ZBTB38: variants seen among roughly 807,000 people sequenced by gnomAD.
The protein encoded by ZBTB38 is zinc finger and BTB domain containing 38.
A neutral mutation model predicts 76.8 loss-of-function variants in ZBTB38; 20 were observed. The ratio of observed to expected loss-of-function variants is 0.26; its 90% CI spans 0.18 to 0.38. ZBTB38 has a LOEUF of 0.38. Ranked by LOEUF, ZBTB38 falls within the 10% of genes least tolerant of loss-of-function variation. The pLI is 1.00. For missense variants in ZBTB38, 1,082 were observed against 1,482.3 expected (o/e 0.73, Z 4.43); for synonymous variants, 504 against 544.2 (o/e 0.93, Z 1.03).
chr3:141,337,089 T>C (rs985483124), intron 1 of ZBTB38, among the ~76,000 whole-genome samples: 1 of 152,238 alleles, frequency 6.6e-6, no homozygotes. Flanking sequence ...ACTCCCCGCT[T>C]CTCTGAGGAA....
chr3:141,384,675 C>T (rs760515368), intron 3 of ZBTB38: 4 of 152,158 alleles, frequency 2.6e-5, no homozygotes, highest in African/African-American at 9.7e-5. Flanking sequence ...AGGAATTGGC[C>T]TAAGGACACT....
At position 141,444,509 on chromosome 3, in the gene ZBTB38, C is replaced by G. The variant is rs1443984961; in HGVS notation, c.2121C>G (p.Ile707Met). The G allele has an allele frequency of 6.2e-7, 1 of 1,614,164 alleles. No homozygotes were observed. Among genetic ancestry groups the G allele is most frequent in the East Asian group, 2.2e-5 (1 of 44,890 alleles). The change falls in exon 6 of 6, where the codon ATC (isoleucine) becomes ATG (methionine). Residue 707 changes from isoleucine to methionine, a missense_variant. Coordinates refer to ENST00000321464, the MANE Select transcript of ZBTB38 (RefSeq NM_001376113.1). This position sits in a 1 kb window ranked among gnomAD's most constrained non-coding sequence, Gnocchi z 5.1. The stretch of plus-strand genomic sequence containing the variant: ...GCAGTGAGAATGCCGCCTCTGTGAT[C>G]AGCTACAGTGGCTCTGCACCCTCGG... The part of the protein sequence containing the change: ...SNSSENAASV[I>M]SYSGSAPSVI...
At chr3:141,338,092 T>C (rs988790508) in intron 1 of ZBTB38, among the ~76,000 whole-genome samples, 1 of 152,164 alleles carries the variant, frequency 6.6e-6, no homozygotes, top group Non-Finnish European at 1.5e-5. Flanking sequence ...CACAGTGAGA[T>C]ACCACCTTGC....
intron 1 of ZBTB38, among the ~76,000 whole-genome samples, chr3:141,328,978 C>G (rs894708254): frequency 2.6e-5 from 4 of 152,228 alleles, no homozygotes; most frequent in African/African-American, 9.7e-5. Context: ...CCCATAGGTG[C>G]TCCTCCCCTA....
rs1212463135 is a variant in ZBTB38, at chr3:141,443,543, G to T, written c.1155G>T (p.Arg385Ser). 4 of 1,614,194 alleles carry T rather than the reference G, an allele frequency of 2.5e-6. No individual in the cohort carries two copies. In the South Asian group the frequency reaches 3.3e-5, roughly 13 times the overall value. The change falls in exon 6 of 6, where the codon AGG (arginine) becomes AGT (serine). Residue 385 changes from arginine (R) to serine (S), a missense_variant. Arg to Ser is a moderately radical substitution (Grantham distance 110). This residue lies in a region of ZBTB38 where 324 missense variants were observed against 359.1 expected (regional missense o/e 0.90). Transcript: ENST00000321464. This position sits in a 1 kb window ranked among gnomAD's most constrained non-coding sequence, Gnocchi z 5.6. Reference sequence around the variant, plus strand: ...ACAAACAATTCACCACCCTGAACAGGTTGGATCGGCATGAACAGATCTGCA... The same window carrying T: ...ACAAACAATTCACCACCCTGAACAGTTTGGATCGGCATGAACAGATCTGCA... ...YCNKQFTTLN[R>S]LDRHEQICMR... is the part of the protein sequence containing the mutation.
chr3:141,436,611 C>T (rs1029825368), intron 5 of ZBTB38, among the ~76,000 whole-genome samples: 1 of 152,170 alleles, frequency 6.6e-6, no homozygotes, highest in Non-Finnish European at 1.5e-5. Flanking sequence ...GATTCTCCTT[C>T]CTCAGCCTCC....
chr3:141,334,506 C>G (rs1942959414), intron 1 of ZBTB38, among the ~76,000 whole-genome samples: 1 of 146,438 alleles, frequency 6.8e-6, no homozygotes, highest in Admixed American at 7.1e-5. Flanking sequence ...CCTTCCTTTC[C>G]TTCCTTCTCC....
At chr3:141,417,221 G>A (rs1436776465) in intron 5 of ZBTB38, among the ~76,000 whole-genome samples, 1 of 152,068 alleles carries the variant, frequency 6.6e-6, no homozygotes, top group Non-Finnish European at 1.5e-5. Flanking sequence ...CTTCAACTTG[G>A]GCAAAATGCA....
chr3:141,403,623 T>C (rs541970194), intron 4 of ZBTB38, among the ~76,000 whole-genome samples: 137 of 152,378 alleles, frequency 9.0e-4, no homozygotes, highest in Non-Finnish European at 1.7e-3. Flanking sequence ...ACTTACTGGT[T>C]AATAGCCCAG....
intron 1 of ZBTB38, among the ~76,000 whole-genome samples, chr3:141,330,290 C>CT (rs1340873296): frequency 1.3e-5 from 2 of 152,226 alleles, no homozygotes; most frequent in African/African-American, 4.8e-5. Flanking sequence ...GCTCTCCTGA[C>CT]TAAGGGTACC....
At position 141,445,708 on chromosome 3, in the gene ZBTB38, C is replaced by T; in HGVS notation, c.3320C>T (p.Ser1107Phe). 1.2e-6 allele frequency: 2 copies of T among 1,614,152 alleles called. No individual in the cohort carries two copies. The highest frequency in any genetic ancestry group is 8.5e-7 in the Non-Finnish European group (1 of 1,180,030). Residue 1107 changes from serine (S) to phenylalanine (F), a missense_variant, in exon 6 of 6, where the codon TCC becomes TTC. By Grantham distance (155) the Ser-to-Phe change is radical. Coordinates refer to ENST00000321464, the MANE Select transcript of ZBTB38 (RefSeq NM_001376113.1). The surrounding 1 kb of genome is among the most constrained non-coding windows in gnomAD (Gnocchi z 6.5). ...QFCFQRFLYL[S>F]TKRNHEQRHI... ...TGCTTTCAGAGATTTTTGTATCTCT[C>T]CACCAAAAGGAATCACGAGCAGAGG...
At position 141,347,883 on chromosome 3, in the gene ZBTB38, T is replaced by G. The variant is rs568332620; in HGVS notation, c.-738-20738T>G. Among the ~76,000 whole-genome samples the G allele has an allele frequency of 7.8e-4, 118 of 152,156 alleles. 1 individual carries two copies. Among genetic ancestry groups the G allele is most frequent in the African/African-American group, 2.8e-3 (117 of 41,570 alleles). On this transcript the variant is annotated intron_variant, in intron 1 of 7. Transcript: ENST00000509842. Reference sequence around the variant, plus strand: ...TGTCACTATTCTTAGCTTCTCAGATTCTCTGTCACCTGTGTAACCAAGTCT... The same window carrying G: ...TGTCACTATTCTTAGCTTCTCAGATGCTCTGTCACCTGTGTAACCAAGTCT...
intron 5 of ZBTB38, among the ~76,000 whole-genome samples, chr3:141,428,192 C>T (rs1217760498): frequency 6.6e-6 from 1 of 152,222 alleles, no homozygotes; most frequent in African/African-American, 2.4e-5. Flanking sequence ...GGCTGGTTGC[C>T]CCCAACTGCC....
intron 5 of ZBTB38, among the ~76,000 whole-genome samples, chr3:141,417,834 G>T (rs991367760): frequency 9.2e-5 from 14 of 152,040 alleles, no homozygotes; most frequent in African/African-American, 3.4e-4. Context: ...GACCAACCTG[G>T]TGAAACCCCA....
chr3:141,443,542 G>A lies in ZBTB38; in HGVS notation c.1154G>A (p.Arg385Lys). 1 of 1,614,180 alleles carries A rather than the reference G, an allele frequency of 6.2e-7. No individual in the cohort carries two copies. The highest frequency in any genetic ancestry group is 1.1e-5 in the South Asian group (1 of 91,066). Residue 385 changes from arginine (R) to lysine (K), a missense_variant, in exon 6 of 6, where the codon AGG becomes AAG. This residue lies in a region of ZBTB38 where 324 missense variants were observed against 359.1 expected (regional missense o/e 0.90). Coordinates refer to ENST00000321464, the MANE Select transcript of ZBTB38 (RefSeq NM_001376113.1). This position sits in a 1 kb window ranked among gnomAD's most constrained non-coding sequence, Gnocchi z 5.6. The part of the protein sequence containing the change: ...YCNKQFTTLN[R>K]LDRHEQICMR... ...AACAAACAATTCACCACCCTGAACA[G>A]GTTGGATCGGCATGAACAGATCTGC...
At chr3:141,325,948 ACACTT>A (rs1410935889) in intron 1 of ZBTB38, among the ~76,000 whole-genome samples, 6 of 152,190 alleles carry the variant, frequency 3.9e-5, no homozygotes, top group Non-Finnish European at 7.3e-5. Context: ...TCAGAGTCCC[ACACTT>A]CAGCCAGTAT....
At chr3:141,410,985 T>A (rs1956431381) in intron 5 of ZBTB38, among the ~76,000 whole-genome samples, 1 of 152,194 alleles carries the variant, frequency 6.6e-6, no homozygotes, top group Non-Finnish European at 1.5e-5. Flanking sequence ...GAAGGCAGGC[T>A]TTGTGCAAGG....
At chr3:141,377,423 A>T (rs180892464) in intron 2 of ZBTB38, among the ~76,000 whole-genome samples, 1 of 152,364 alleles carries the variant, frequency 6.6e-6, no homozygotes, top group Non-Finnish European at 1.5e-5. Context: ...CATCTAGTAG[A>T]TGGCTTAAAT....
At chr3:141,395,776 A>G (rs1210089424) in intron 4 of ZBTB38, among the ~76,000 whole-genome samples, 1 of 152,228 alleles carries the variant, frequency 6.6e-6, no homozygotes, top group African/African-American at 2.4e-5. Flanking sequence ...GGCTACTTCA[A>G]TAAAGCGAAT....
Sources: gnomAD v4.1 joint callset for allele counts (sites outside exome capture counted in the v4.1 genomes callset) on GRCh38, gnomAD v4.1.1 for gene constraint, gnomAD v4.1.1 regional missense constraint, Gnocchi (gnomAD v3.1) non-coding constraint, MANE v1.5 for transcripts, NCBI Gene and HGNC (gene_info 2026-07-23, HGNC 2026-07-21) for gene names.